SH3PXD2A: variants seen among roughly 807,000 people sequenced by gnomAD.
SH3PXD2A encodes the protein SH3 and PX domains 2A, also known as SH3 and PX domain-containing protein 2A.
Under a neutral mutation model 115.2 loss-of-function variants are expected in SH3PXD2A, and 32 were observed. The observed-to-expected ratio is 0.28, with a 90% CI of 0.21 to 0.37. The LOEUF (loss-of-function observed/expected upper bound fraction) is 0.37. Ranked by LOEUF, SH3PXD2A falls within the 10% of genes least tolerant of loss-of-function variation. The pLI, the probability that SH3PXD2A is intolerant of heterozygous loss-of-function variation, is 1.00. For missense variants in SH3PXD2A, 1,328 were observed against 1,498.7 expected, an observed-to-expected ratio of 0.89 and a Z score of 1.88; for synonymous variants, 610 against 629.1, an observed-to-expected ratio of 0.97 and a Z score of 0.45.
chr10:103,661,964 C>T, intron 7 of SH3PXD2A: 6 of 985,226 alleles, frequency 6.1e-6, no homozygotes, highest in Non-Finnish European at 7.2e-6. Context: ...CTCACCCAGG[C>T]GCTGCCACCG....
At chr10:103,844,574 A>G (rs1261307273) in intron 1 of SH3PXD2A, among the ~76,000 whole-genome samples, 1 of 152,232 alleles carries the variant, frequency 6.6e-6, no homozygotes, top group East Asian at 1.9e-4. Flanking sequence ...CCCCATGAGG[A>G]GCACCTTCTC....
Position 103,598,208 on chromosome 10 carries a change from C to G in SH3PXD2A, c.*3608G>C, listed in dbSNP as rs2036161371. On this transcript the variant is annotated 3_prime_UTR_variant, in exon 15 of 15. Transcript: ENST00000369774. Reference sequence around the variant, plus strand: ...TAGGGTAGACGGGGCTGAGGCCTGGCAAGACAGCCCGTCTACAGTCATTGG... The same window carrying G: ...TAGGGTAGACGGGGCTGAGGCCTGGGAAGACAGCCCGTCTACAGTCATTGG... 6.5e-6 allele frequency: 1 copy of G among 152,678 alleles called. No homozygotes were observed. The highest frequency in any genetic ancestry group is 1.5e-5 in the Non-Finnish European group (1 of 68,054). 9.5% of individuals were successfully genotyped at this position (152,678 alleles called of 1,614,324 possible).
At chr10:103,816,467 C>A (rs2039324710) in intron 1 of SH3PXD2A, among the ~76,000 whole-genome samples, 1 of 152,208 alleles carries the variant, frequency 6.6e-6, no homozygotes, top group Non-Finnish European at 1.5e-5. Flanking sequence ...TATCATTTCA[C>A]ATGCACTGGG....
At chr10:103,697,797 G>A (rs1389919923) in intron 5 of SH3PXD2A, among the ~76,000 whole-genome samples, 3 of 152,206 alleles carry the variant, frequency 2.0e-5, no homozygotes, top group African/African-American at 7.2e-5. Context: ...TGGTGTTGGA[G>A]ACTGCACAGG....
At chr10:103,730,232 C>CTTTTTT (rs67561170) in intron 4 of SH3PXD2A, among the ~76,000 whole-genome samples, 1 of 118,264 alleles carries the variant, frequency 8.5e-6, no homozygotes. Context: ...TTTCTCGTTT[C>CTTTTTT]TTTTTTTTTT....
intron 3 of SH3PXD2A, among the ~76,000 whole-genome samples, chr10:103,761,717 A>G (rs1291230983): frequency 6.6e-6 from 1 of 152,222 alleles, no homozygotes; most frequent in Non-Finnish European, 1.5e-5. Context: ...TGGACCTCCC[A>G]GTGGTCTGTC....
chr10:103,826,571 G>A (rs2039432001), intron 1 of SH3PXD2A, among the ~76,000 whole-genome samples: 1 of 152,196 alleles, frequency 6.6e-6, no homozygotes, highest in Admixed American at 6.5e-5. Flanking sequence ...GATCCTAGGA[G>A]ACAGAGGATC....
At chr10:103,845,346 GAAA>G (rs61352013) in intron 1 of SH3PXD2A, among the ~76,000 whole-genome samples, 42,911 of 86,530 alleles carry the variant, frequency 0.5, 7,644 homozygotes, top group East Asian at 0.72. Context: ...AAAAAAAAAA[GAAA>G]AAAGAAAAAG....
intron 8 of SH3PXD2A, among the ~76,000 whole-genome samples, chr10:103,643,507 C>G (rs1226180082): frequency 1.3e-5 from 2 of 152,194 alleles, no homozygotes; most frequent in African/African-American, 4.8e-5. Flanking sequence ...AAAACACATA[C>G]AATGAAACAA....
chr10:103,630,539 C>G (rs1447804697), intron 8 of SH3PXD2A, among the ~76,000 whole-genome samples: 1 of 151,990 alleles, frequency 6.6e-6, no homozygotes, highest in Non-Finnish European at 1.5e-5. Flanking sequence ...GATCTAAAAC[C>G]TGAGTCCCAC....
At chr10:103,837,409 G>A (rs2039555875) in intron 1 of SH3PXD2A, among the ~76,000 whole-genome samples, 1 of 152,168 alleles carries the variant, frequency 6.6e-6, no homozygotes, top group East Asian at 1.9e-4. Context: ...ACAAGGCCTT[G>A]GATCCAGGCT....
At chr10:103,649,739 C>A (rs1006654987) in intron 8 of SH3PXD2A, among the ~76,000 whole-genome samples, 2 of 152,216 alleles carry the variant, frequency 1.3e-5, no homozygotes, top group African/African-American at 4.8e-5. Flanking sequence ...AAGGCTGGGG[C>A]CTGTGAGAAT....
chr10:103,701,034 ATCCATCCACCATCCAT>A (rs1564867647), intron 5 of SH3PXD2A, among the ~76,000 whole-genome samples: 2 of 7,110 alleles, frequency 2.8e-4, no homozygotes, highest in African/African-American at 8.8e-4. Context: ...CCATCCATCC[ATCCATCCACCATCCAT>A]CCATCCATCC....
chr10:103,685,421 T>C (rs1443305313), intron 6 of SH3PXD2A, among the ~76,000 whole-genome samples: 3 of 149,544 alleles, frequency 2.0e-5, no homozygotes, highest in South Asian at 4.3e-4. Flanking sequence ...TCCTGGTCTA[T>C]AAAATGGGAC....
At chr10:103,690,537 G>A (rs765446744) in intron 6 of SH3PXD2A, among the ~76,000 whole-genome samples, 18 of 152,312 alleles carry the variant, frequency 1.2e-4, no homozygotes, top group Non-Finnish European at 1.9e-4. Context: ...GAGGGAGGGT[G>A]TGTGTGTGTC....
chr10:103,622,283 A>G (rs2036618358), intron 10 of SH3PXD2A, among the ~76,000 whole-genome samples, 187 bp downstream of exon 10: 2 of 152,156 alleles, frequency 1.3e-5, no homozygotes, highest in Admixed American at 6.5e-5. Flanking sequence ...AGCCACCCCC[A>G]GTGCCACCCT....
chr10:103,826,492 C>T (rs2039431467), intron 1 of SH3PXD2A, among the ~76,000 whole-genome samples: 1 of 152,184 alleles, frequency 6.6e-6, no homozygotes, highest in South Asian at 2.1e-4. Context: ...AACTCCATCC[C>T]AGGCCTCCAG....
At chr10:103,820,073 G>A (rs1041074323) in intron 1 of SH3PXD2A, among the ~76,000 whole-genome samples, 8 of 152,160 alleles carry the variant, frequency 5.3e-5, no homozygotes, top group South Asian at 2.1e-4. Flanking sequence ...TGCAGGGAGC[G>A]TTAGCGACTT....
chr10:103,661,862 C>A (rs1365017512), intron 7 of SH3PXD2A: 1 of 985,090 alleles, frequency 1.0e-6, no homozygotes, highest in Non-Finnish European at 1.2e-6. Context: ...TTACTTGAAA[C>A]CCAAGAAGAA....
Sources: allele counts gnomAD v4.1 joint callset (sites outside exome capture counted in the v4.1 genomes callset), GRCh38; gene constraint gnomAD v4.1.1; transcripts MANE v1.5; gene names NCBI Gene and HGNC (gene_info 2026-07-23, HGNC 2026-07-21).